PLCH1: variants seen among roughly 807,000 people sequenced by gnomAD.
The protein encoded by PLCH1 is phospholipase C eta 1, also known as 1-phosphatidylinositol 4,5-bisphosphate phosphodiesterase eta-1.
A neutral mutation model predicts 126.7 loss-of-function variants in PLCH1; 60 were observed. That is an observed-to-expected ratio of 0.47 (90% CI 0.38 to 0.59). PLCH1 has a LOEUF of 0.59. Among genes scored for constraint, PLCH1 ranks in the 20% least tolerant of loss-of-function variants. The pLI is 0.00. For missense variants in PLCH1, 1,723 were observed against 2,040.0 expected, an observed-to-expected ratio of 0.84 and a Z score of 2.99; for synonymous variants, 719 against 734.9, an observed-to-expected ratio of 0.98 and a Z score of 0.35.
intron 21 of PLCH1, among the ~76,000 whole-genome samples, chr3:155,470,471 G>T (rs992189061): frequency 3.9e-5 from 6 of 152,066 alleles, no homozygotes; most frequent in African/African-American, 9.7e-5. Flanking sequence ...GAAAGTGATG[G>T]GGAGAATGGA....
At chr3:155,690,506 T>C (rs2109039526) in intron 2 of PLCH1, among the ~76,000 whole-genome samples, 1 of 152,316 alleles carries the variant, frequency 6.6e-6, no homozygotes, top group East Asian at 1.9e-4. Context: ...GGGTATTACG[T>C]ATATCCTTGA....
In PLCH1 at chr3:155,583,614, G is replaced by T. The variant is rs1029615986; in HGVS notation, c.629C>A (p.Thr210Asn). 1.3e-6 allele frequency: 2 copies of T among 1,584,256 alleles called. No homozygotes were observed. Among genetic ancestry groups the T allele is most frequent in the South Asian group, 1.2e-5 (1 of 84,824 alleles). ...QEADTDENQG[T>N]LTFEEFCVFY... ...AACACAGAACTCTTCAAATGTCAAA[G>T]TTCCCTGATTCTCATCTGTGTCGGC... The change falls in exon 6 of 23, where the codon ACT becomes AAT. Residue 210 changes from threonine (T) to asparagine (N), a missense_variant. Transcript: ENST00000460012.
chr3:155,488,810 A>G lies in PLCH1; in HGVS notation c.2393-4T>C. Reference sequence around the variant, plus strand: ...TCTTCCCACACAGGGTTAAATCCTCAGAGAAATAGGAAAAGAAAAATCAGA... The same window carrying G: ...TCTTCCCACACAGGGTTAAATCCTCGGAGAAATAGGAAAAGAAAAATCAGA... On this transcript the variant is annotated splice_polypyrimidine_tract_variant and splice_region_variant and intron_variant, in intron 19 of 22. Transcript: ENST00000460012. 6.2e-7 allele frequency: 1 copy of G among 1,601,398 alleles called. No homozygotes were observed. The highest frequency in any genetic ancestry group is 8.5e-7 in the Non-Finnish European group (1 of 1,176,388).
rs530623759 is a variant in PLCH1, at chr3:155,684,526, T to C, written c.79+19620A>G. On this transcript the variant is annotated intron_variant, in intron 2 of 22. Coordinates refer to ENST00000460012, the MANE Select transcript of PLCH1 (RefSeq NM_014996.4). Reference sequence around the variant, plus strand: ...GGATGGCCATAAACTCCTGAAGGACTGGAAGGGGAATGCCTCCTCTGAAAA... The same window carrying C: ...GGATGGCCATAAACTCCTGAAGGACCGGAAGGGGAATGCCTCCTCTGAAAA... 1.8e-4 allele frequency among the ~76,000 whole-genome samples: 27 copies of C among 152,048 alleles called. No individual in the cohort carries two copies. In the East Asian group the frequency reaches 4.1e-3, roughly 23 times the overall value.
intron 21 of PLCH1, among the ~76,000 whole-genome samples, chr3:155,454,337 A>G (rs956295170): frequency 6.6e-6 from 1 of 152,036 alleles, no homozygotes; most frequent in African/African-American, 2.4e-5. Context: ...CATCTCAACA[A>G]AAAAATACAA....
intron 11 of PLCH1, among the ~76,000 whole-genome samples, chr3:155,517,199 TG>T (rs762776996): frequency 6.6e-6 from 1 of 152,036 alleles, no homozygotes. Context: ...CCTAGCTACT[TG>T]GGAGGCTGAG....
intron 10 of PLCH1, among the ~76,000 whole-genome samples, chr3:155,543,096 C>T (rs1357343167): frequency 3.3e-5 from 5 of 152,074 alleles, no homozygotes; most frequent in Admixed American, 2.0e-4. Context: ...CTCCAAGCTA[C>T]AGGAGGAAAT....
intron 6 of PLCH1, among the ~76,000 whole-genome samples, chr3:155,580,758 G>A (rs1040770130): frequency 1.3e-5 from 2 of 151,960 alleles, no homozygotes; most frequent in South Asian, 2.1e-4. Flanking sequence ...AATACGGCAC[G>A]ATAATTGTAA....
At chr3:155,498,798 C>A (rs990829589) in intron 14 of PLCH1, among the ~76,000 whole-genome samples, 1 of 152,052 alleles carries the variant, frequency 6.6e-6, no homozygotes, top group East Asian at 1.9e-4. Flanking sequence ...TAATAGTTTT[C>A]TCTCTCCTAC....
chr3:155,617,505 AT>A (rs1442581984), intron 2 of PLCH1, among the ~76,000 whole-genome samples: 1 of 152,132 alleles, frequency 6.6e-6, no homozygotes, highest in Non-Finnish European at 1.5e-5. Context: ...CTTTTGAGCT[AT>A]TTACAGCTTT....
intron 10 of PLCH1, among the ~76,000 whole-genome samples, chr3:155,545,180 A>G (rs1247642154): frequency 4.6e-3 from 703 of 151,714 alleles, no homozygotes; most frequent in Non-Finnish European, 7.4e-3. Context: ...AATCAAATAG[A>G]CGCAATAAAA....
Position 155,743,433 on chromosome 3 carries a change from G to A in PLCH1, c.-41+1407C>T, listed in dbSNP as rs143967631. 384 of 394,472 alleles carry A rather than the reference G, an allele frequency of 9.7e-4. 1 individual carries two copies. Among genetic ancestry groups the A allele is most frequent in the African/African-American group, 7.8e-3 (369 of 47,108 alleles). 24.4% of individuals were successfully genotyped at this position (394,472 alleles called of 1,614,324 possible). A position where few individuals can be genotyped will look rare whatever the true frequency, so the allele number is the denominator to read the frequency against. On this transcript the variant is annotated intron_variant, in intron 1 of 22. Transcript: ENST00000460012. ...TGTAATCCCAGATACTCGGGAGGCT[G>A]AGGCAAGAGAATAGCTTGAACCCAG...
chr3:155,616,043 T>C (rs1402213019), intron 2 of PLCH1, among the ~76,000 whole-genome samples: 4 of 152,314 alleles, frequency 2.6e-5, no homozygotes, highest in Admixed American at 6.5e-5. Context: ...TTTAGAGCCA[T>C]TGGATTCTAG....
At chr3:155,537,466 A>G (rs1723594222) in intron 10 of PLCH1, among the ~76,000 whole-genome samples, 1 of 152,160 alleles carries the variant, frequency 6.6e-6, no homozygotes, top group Admixed American at 6.5e-5. Flanking sequence ...AGAATGAATA[A>G]GAATTCACCA....
chr3:155,578,728 A>G (rs1345317289), intron 6 of PLCH1, among the ~76,000 whole-genome samples: 1 of 152,212 alleles, frequency 6.6e-6, no homozygotes, highest in East Asian at 1.9e-4. Flanking sequence ...AATTCTAACC[A>G]TGTACAGATT....
chr3:155,676,362 T>C (rs964546349), intron 2 of PLCH1: 3 of 1,055,992 alleles, frequency 2.8e-6, no homozygotes, highest in Non-Finnish European at 3.4e-6. Context: ...TGTGGCTACT[T>C]TGGGTATGAG....
chr3:155,677,816 T>A (rs879836445), intron 2 of PLCH1, among the ~76,000 whole-genome samples: 3 of 152,182 alleles, frequency 2.0e-5, no homozygotes, highest in Admixed American at 1.3e-4. Context: ...GAACACAAGA[T>A]GGCACCCCAA....
intron 19 of PLCH1, among the ~76,000 whole-genome samples, chr3:155,489,744 T>C (rs1715876335): frequency 6.6e-6 from 1 of 152,244 alleles, no homozygotes; most frequent in Non-Finnish European, 1.5e-5. Context: ...ATAAAAGTTG[T>C]TAAAAATTCA....
At chr3:155,574,905 C>A (rs779515089) in intron 6 of PLCH1, among the ~76,000 whole-genome samples, 1 of 151,886 alleles carries the variant, frequency 6.6e-6, no homozygotes, top group African/African-American at 2.4e-5. Context: ...CCAAGGTGGG[C>A]GGATCACTTG....
Sources: gnomAD v4.1 joint callset for allele counts (sites outside exome capture counted in the v4.1 genomes callset) on GRCh38, gnomAD v4.1.1 for gene constraint, MANE v1.5 for transcripts, NCBI Gene and HGNC (gene_info 2026-07-23, HGNC 2026-07-21) for gene names.